The following SLAIN1 variants were observed in gnomAD, a reference collection of about 807,000 sequenced individuals.
SLAIN1 encodes the protein SLAIN family member 1, also known as SLAIN motif-containing protein 1.
Under a neutral mutation model 55.4 loss-of-function variants are expected in SLAIN1, and 17 were observed. The observed-to-expected ratio is 0.31, with a 90% CI of 0.21 to 0.46. The LOEUF (loss-of-function observed/expected upper bound fraction) is 0.46, where lower values mean the gene tolerates loss of function less well. Ranked by LOEUF, SLAIN1 falls within the 20% of genes least tolerant of loss-of-function variation. The probability of loss-of-function intolerance (pLI) is 1.00; values close to 1 mark genes in which losing one functional copy is unlikely to be tolerated. For missense variants in SLAIN1, 682 were observed against 785.1 expected (o/e 0.87, Z 1.57); for synonymous variants, 348 against 337.4 (o/e 1.03, Z -0.35).
intron 2 of SLAIN1, among the ~76,000 whole-genome samples, chr13:77,725,308 G>T (rs1259516490): frequency 1.3e-5 from 2 of 152,126 alleles, no homozygotes; most frequent in Non-Finnish European, 2.9e-5. Context: ...ATTAATTGAA[G>T]TCCTTAGGAG....
chr13:77,709,159 A>G (rs2091120873), intron 1 of SLAIN1, among the ~76,000 whole-genome samples: 1 of 151,882 alleles, frequency 6.6e-6, no homozygotes, highest in African/African-American at 2.4e-5. Flanking sequence ...AGAAGAAGGT[A>G]TATCAGAGAT....
At chr13:77,707,531 T>C (rs958529743) in intron 1 of SLAIN1, among the ~76,000 whole-genome samples, 2 of 152,172 alleles carry the variant, frequency 1.3e-5, no homozygotes, top group Non-Finnish European at 2.9e-5. Context: ...GTGTCACTGG[T>C]TGTCTGTTCA....
chr13:77,698,948 C>T lies in SLAIN1; in HGVS notation c.626+409C>T. The T allele has an allele frequency of 6.5e-7, 1 of 1,534,088 alleles. No homozygotes were observed. Among genetic ancestry groups the T allele is most frequent in the Non-Finnish European group, 8.7e-7 (1 of 1,146,744 alleles). On this transcript the variant is annotated intron_variant, in intron 1 of 6. Transcript: ENST00000418532. The surrounding 1 kb of genome is among the most constrained non-coding windows in gnomAD (Gnocchi z 4.1). ...GATGGTAGGGGTTGGCCTCTGTCTG[C>T]GACTGTTACTGTTCTTTCGTTTTAA...
chr13:77,760,238 T>A (rs1874909010), intron 5 of SLAIN1, among the ~76,000 whole-genome samples: 1 of 152,206 alleles, frequency 6.6e-6, no homozygotes, highest in South Asian at 2.1e-4. Context: ...GTTGGATCAG[T>A]ATATTGATGA....
At chr13:77,744,652 G>A in intron 3 of SLAIN1, 6 of 663,214 alleles carry the variant, frequency 9.0e-6, no homozygotes, top group East Asian at 2.7e-5. Flanking sequence ...GACATTGCTG[G>A]TATTGTCACT....
intron 5 of SLAIN1, among the ~76,000 whole-genome samples, chr13:77,756,041 G>A (rs1225432410): frequency 6.6e-6 from 1 of 152,256 alleles, no homozygotes; most frequent in East Asian, 1.9e-4. Flanking sequence ...TGTAGTCAAA[G>A]ACCTGGTTTT....
chr13:77,711,791 A>G (rs1566222102), intron 1 of SLAIN1, among the ~76,000 whole-genome samples: 1 of 152,196 alleles, frequency 6.6e-6, no homozygotes, highest in Admixed American at 6.5e-5. Context: ...ATTTCAGCCC[A>G]ATATCCCTGA....
intron 2 of SLAIN1, among the ~76,000 whole-genome samples, chr13:77,724,157 G>C (rs2091287226): frequency 6.6e-6 from 1 of 152,090 alleles, no homozygotes; most frequent in South Asian, 2.1e-4. Context: ...TTCTATTTCA[G>C]TTTATTCAGG....
At chr13:77,744,735 G>A (rs1193065845) in intron 3 of SLAIN1, among the ~76,000 whole-genome samples, 1 of 151,966 alleles carries the variant, frequency 6.6e-6, no homozygotes, top group Non-Finnish European at 1.5e-5. Flanking sequence ...CTGCACTCTT[G>A]GATATTTATC....
At chr13:77,759,603 G>T (rs1433658722) in intron 5 of SLAIN1, among the ~76,000 whole-genome samples, 2 of 152,086 alleles carry the variant, frequency 1.3e-5, no homozygotes, top group Non-Finnish European at 2.9e-5. Context: ...TTATTACTTT[G>T]AAGTAAGTCC....
chr13:77,717,712 T>C (rs2091221848), intron 1 of SLAIN1, among the ~76,000 whole-genome samples: 1 of 152,146 alleles, frequency 6.6e-6, no homozygotes, highest in African/African-American at 2.4e-5. Context: ...AATACCATGA[T>C]TGGCTTAGCT....
intron 5 of SLAIN1, among the ~76,000 whole-genome samples, chr13:77,760,193 C>T (rs1262776180): frequency 6.6e-6 from 1 of 152,034 alleles, no homozygotes; most frequent in Non-Finnish European, 1.5e-5. Flanking sequence ...TTCTGCCTAC[C>T]AGTTTGTTAC....
In SLAIN1 at chr13:77,726,272, G is replaced by A. The variant is rs535128111; in HGVS notation, c.766+6601G>A. Among the ~76,000 whole-genome samples the A allele has an allele frequency of 6.0e-4, 92 of 152,122 alleles. No individual in the cohort carries two copies. The South Asian group carries it at 9.8e-3, about 16-fold the overall frequency. On this transcript the variant is annotated intron_variant, in intron 2 of 6. Coordinates refer to ENST00000418532, the MANE Select transcript of SLAIN1 (RefSeq NM_001242868.2). The stretch of plus-strand genomic sequence containing the variant: ...TTTTTAAAATATTGCTAAAAAATAC[G>A]TTGTCTTCACAACCACAATTTTGCA...
chr13:77,747,173 C>A (rs765874747), intron 4 of SLAIN1, among the ~76,000 whole-genome samples: 10 of 151,962 alleles, frequency 6.6e-5, no homozygotes, highest in Non-Finnish European at 1.0e-4. Context: ...GAACCACTAA[C>A]CTCAGGTAAT....
At chr13:77,705,084 A>T (rs532986739) in intron 1 of SLAIN1, among the ~76,000 whole-genome samples, 1 of 151,676 alleles carries the variant, frequency 6.6e-6, no homozygotes, top group Non-Finnish European at 1.5e-5. Context: ...TAAAATATAT[A>T]CTTGTGTGTA....
chr13:77,698,239 G>A lies in SLAIN1; in HGVS notation c.326G>A (p.Gly109Asp). 2 of 1,364,680 alleles carry A rather than the reference G, an allele frequency of 1.5e-6. No individual in the cohort carries two copies. The highest frequency in any genetic ancestry group is 2.8e-5 in the Admixed American group (1 of 35,372). The allele number at this position is 1,364,680 out of a possible 1,614,324, so 84.5% of individuals were successfully genotyped here. ...GLALGAGGGGGSGSGSGGGSS... is the reference protein window; with the variant it reads ...GLALGAGGGGDSGSGSGGGSS... ...GCGCTGGGCGCGGGGGGCGGTGGCGGCAGCGGTAGTGGCAGCGGCGGTGGC... is the reference window on the plus strand; with the variant it reads ...GCGCTGGGCGCGGGGGGCGGTGGCGACAGCGGTAGTGGCAGCGGCGGTGGC... The change falls in exon 1 of 7, where the codon GGC becomes GAC. Residue 109 changes from glycine to aspartate, a missense_variant. By Grantham distance (94) the Gly-to-Asp change is moderately conservative (BLOSUM62 -1). This residue lies in a region of SLAIN1 where 401 missense variants were observed against 417.3 expected (regional missense o/e 0.96). Coordinates refer to ENST00000418532, the MANE Select transcript of SLAIN1 (RefSeq NM_001242868.2). This position sits in a 1 kb window ranked among gnomAD's most constrained non-coding sequence, Gnocchi z 4.1.
chr13:77,698,614 G>C lies in SLAIN1; in HGVS notation c.626+75G>C. 7.5e-7 allele frequency: 1 copy of C among 1,328,598 alleles called. No individual in the cohort carries two copies. The highest frequency in any genetic ancestry group is 9.6e-7 in the Non-Finnish European group (1 of 1,044,246). The allele number at this position is 1,328,598 out of a possible 1,614,324, so 82.3% of individuals were successfully genotyped here. On this transcript the variant is annotated intron_variant, in intron 1 of 6. Transcript: ENST00000418532. This position sits in a 1 kb window ranked among gnomAD's most constrained non-coding sequence, Gnocchi z 4.1. ...GGGCACCGGGGAGCGGGGGCGGGGG[G>C]CGGACGGGGGTCCCCTCGCGGCAGC...
At chr13:77,754,753 C>T (rs1030945677) in intron 5 of SLAIN1, among the ~76,000 whole-genome samples, 3 of 152,106 alleles carry the variant, frequency 2.0e-5, no homozygotes, top group Non-Finnish European at 4.4e-5. Context: ...TTCAATGTAC[C>T]ATGTTTTACT....
intron 1 of SLAIN1, among the ~76,000 whole-genome samples, chr13:77,711,416 A>G (rs1364823075): frequency 6.6e-6 from 1 of 152,200 alleles, no homozygotes; most frequent in African/African-American, 2.4e-5. Flanking sequence ...CCACAGAAAT[A>G]CAAACTACCA....
Sources: gnomAD v4.1 joint callset for allele counts (sites outside exome capture counted in the v4.1 genomes callset) on GRCh38, gnomAD v4.1.1 for gene constraint, gnomAD v4.1.1 regional missense constraint, Gnocchi (gnomAD v3.1) non-coding constraint, MANE v1.5 for transcripts, NCBI Gene and HGNC (gene_info 2026-07-23, HGNC 2026-07-21) for gene names.